CLDN18: variants seen among roughly 807,000 people sequenced by gnomAD.
CLDN18 encodes claudin 18.
A neutral mutation model predicts 25.0 loss-of-function variants in CLDN18; 20 were observed. That is an observed-to-expected ratio of 0.80 (90% CI 0.56 to 1.16). The LOEUF is 1.16. CLDN18 is among the 50% of genes most tolerant of loss of function. The pLI is 0.00. For synonymous variants in CLDN18, 125 were observed against 135.6 expected (o/e 0.92, Z 0.54); for missense variants, 297 against 345.4 (o/e 0.86, Z 1.11).
chr3:138,025,692 A>G (rs561358353), intron 3 of CLDN18, among the ~76,000 whole-genome samples: 1 of 152,306 alleles, frequency 6.6e-6, no homozygotes, highest in African/African-American at 2.4e-5. Context: ...TTACAGGTGC[A>G]ACTTAGAAGT....
intron 1 of CLDN18, among the ~76,000 whole-genome samples, chr3:138,019,066 C>G (rs1942242128): frequency 6.6e-6 from 1 of 152,318 alleles, no homozygotes; most frequent in East Asian, 1.9e-4. Context: ...CCAAGGGATA[C>G]GTTGTTTTTA....
Position 138,010,229 on chromosome 3 carries a change from T to A in CLDN18, c.4T>A (p.Ser2Thr). 6.2e-7 allele frequency: 1 copy of A among 1,612,960 alleles called. No individual in the cohort carries two copies. The highest frequency in any genetic ancestry group is 1.3e-5 in the African/African-American group (1 of 75,022). Reference sequence around the variant, plus strand: ...GGCAGGGCGGGCGGCCAGGATCATGTCCACCACCACATGCCAAGTGGTGGC... The same window carrying A: ...GGCAGGGCGGGCGGCCAGGATCATGACCACCACCACATGCCAAGTGGTGGC... M[S>T]TTTCQVVAFL... Residue 2 changes from serine (S) to threonine (T), a missense_variant, in exon 1 of 5, where the codon TCC becomes ACC. By Grantham distance (58) the Ser-to-Thr change is moderately conservative. Transcript: ENST00000183605.
chr3:138,029,406 T>C lies in CLDN18; in HGVS notation c.504-391T>C, dbSNP rs145658564. On this transcript the variant is annotated intron_variant, in intron 3 of 4. Transcript: ENST00000183605. ...GTTGAAACTTGGCCTCCCAAAGTGC[T>C]AGGATTACAGGCATGAACCACTGTA... Among the ~76,000 whole-genome samples, 153 of 152,330 alleles carry C rather than the reference T, an allele frequency of 1.0e-3. 1 individual carries two copies. The South Asian group carries it at 0.016, about 15-fold the overall frequency.
exon 1 of CLDN18, chr3:137,999,072 C>A: frequency 6.2e-7 from 1 of 1,614,136 alleles, no homozygotes; most frequent in Non-Finnish European, 8.5e-7. Context: ...GCTACTTCAC[C>A]CTGCTGGGGC....
chr3:138,014,831 T>C (rs1942185542), intron 1 of CLDN18, among the ~76,000 whole-genome samples: 1 of 152,090 alleles, frequency 6.6e-6, no homozygotes, highest in African/African-American at 2.4e-5. Context: ...ATGACTTAGA[T>C]AAGGAATGGG....
upstream of CLDN18, among the ~76,000 whole-genome samples, chr3:138,005,743 T>C (rs1942061970): frequency 6.6e-6 from 1 of 152,208 alleles, no homozygotes; most frequent in South Asian, 2.1e-4. Flanking sequence ...AATATGGTTG[T>C]GTATAAAAAA....
At chr3:138,001,252 T>C (rs1942012506) in intron 1 of CLDN18, among the ~76,000 whole-genome samples, 1 of 152,182 alleles carries the variant, frequency 6.6e-6, no homozygotes, top group African/African-American at 2.4e-5. Flanking sequence ...CTGACCCAAG[T>C]AGAAATTCCC....
chr3:138,027,693 G>A (rs1942342027), intron 3 of CLDN18, among the ~76,000 whole-genome samples: 1 of 152,162 alleles, frequency 6.6e-6, no homozygotes, highest in Non-Finnish European at 1.5e-5. Context: ...AGCAATTGTT[G>A]TTATCATCAT....
At chr3:138,013,769 T>C (rs992880615) in intron 1 of CLDN18, among the ~76,000 whole-genome samples, 3 of 152,160 alleles carry the variant, frequency 2.0e-5, no homozygotes, top group East Asian at 3.8e-4. Flanking sequence ...ACCAATGAGA[T>C]TGCAAAAGAA....
chr3:138,016,232 A>G (rs1942201516), intron 1 of CLDN18, among the ~76,000 whole-genome samples: 1 of 152,234 alleles, frequency 6.6e-6, no homozygotes, highest in Non-Finnish European at 1.5e-5. Context: ...TGGCAGAAAC[A>G]GGAAGTGAAC....
At chr3:138,018,662 G>A (rs954721320) in intron 1 of CLDN18, among the ~76,000 whole-genome samples, 2 of 152,206 alleles carry the variant, frequency 1.3e-5, no homozygotes, top group Non-Finnish European at 1.5e-5. Flanking sequence ...AGGCCTCAAC[G>A]TCATTCCTGA....
In CLDN18 at chr3:138,031,161, A is replaced by G; in HGVS notation, c.*20A>G. On this transcript the variant is annotated 3_prime_UTR_variant, in exon 5 of 5. Coordinates refer to ENST00000183605, the MANE Select transcript of CLDN18 (RefSeq NM_016369.4). ...GTGTAATGCTCTAAGACCTCTCAGC[A>G]CGGGCGGAAGAAACTCCCGGAGAGC... The G allele has an allele frequency of 1.3e-6, 2 of 1,575,366 alleles. No individual in the cohort carries two copies. The highest frequency in any genetic ancestry group is 1.7e-6 in the Non-Finnish European group (2 of 1,155,424).
At chr3:138,008,024 T>C (rs1225256355), upstream of CLDN18, among the ~76,000 whole-genome samples, 2 of 152,204 alleles carry the variant, frequency 1.3e-5, no homozygotes, top group Non-Finnish European at 2.9e-5. Context: ...AAGTAAGGTG[T>C]GCAGTGAAGG....
At chr3:138,006,014 GA>G (rs1559803344), upstream of CLDN18, among the ~76,000 whole-genome samples, 1 of 152,070 alleles carries the variant, frequency 6.6e-6, no homozygotes, top group Non-Finnish European at 1.5e-5. Flanking sequence ...ACAATTAAGT[GA>G]AAAGAGCAAA....
intron 4 of CLDN18, 22 bp from the exon 5 acceptor site, chr3:138,030,948 G>T (rs1207204163): frequency 1.2e-6 from 2 of 1,604,714 alleles, no homozygotes; most frequent in Non-Finnish European, 8.5e-7. Context: ...CTACAATCAT[G>T]GAATGTTTAT....
intron 1 of CLDN18, among the ~76,000 whole-genome samples, chr3:138,017,000 G>A (rs1576409649): frequency 6.6e-6 from 1 of 151,922 alleles, no homozygotes; most frequent in South Asian, 2.1e-4. Flanking sequence ...AGGTTGCAGT[G>A]AGCTGAGATC....
Position 138,032,555 on chromosome 3 carries a change from A to G in CLDN18, c.*1414A>G, listed in dbSNP as rs1942409712. The G allele has an allele frequency of 6.6e-6, 1 of 150,888 alleles. No individual in the cohort carries two copies. Among genetic ancestry groups the G allele is most frequent in the Admixed American group, 6.6e-5 (1 of 15,194 alleles). 9.3% of individuals were successfully genotyped at this position (150,888 alleles called of 1,614,324 possible). A position where few individuals can be genotyped will look rare whatever the true frequency, so the allele number is the denominator to read the frequency against. On this transcript the variant is annotated 3_prime_UTR_variant, in exon 5 of 5. Coordinates refer to ENST00000183605, the MANE Select transcript of CLDN18 (RefSeq NM_016369.4). ...CCAAGTGACAGGTATCCACATTTGCATGGTTACAAGCCACTGCCAGTTAGC... is the reference window on the plus strand; with the variant it reads ...CCAAGTGACAGGTATCCACATTTGCGTGGTTACAAGCCACTGCCAGTTAGC...
chr3:138,018,333 GC>G (rs1318231156), intron 1 of CLDN18, among the ~76,000 whole-genome samples: 11 of 147,280 alleles, frequency 7.5e-5, no homozygotes, highest in Non-Finnish European at 1.0e-4. Context: ...CTCCCTCAAG[GC>G]CTTTTTTTTT....
chr3:138,000,701 T>A (rs1181806069), intron 1 of CLDN18, among the ~76,000 whole-genome samples: 1 of 152,120 alleles, frequency 6.6e-6, no homozygotes, highest in Non-Finnish European at 1.5e-5. Context: ...GCCAGATGGG[T>A]GGGTAACTGG....
Sources: gnomAD v4.1 joint callset for allele counts (sites outside exome capture counted in the v4.1 genomes callset) on GRCh38, gnomAD v4.1.1 for gene constraint, MANE v1.5 for transcripts, NCBI Gene and HGNC (gene_info 2026-07-23, HGNC 2026-07-21) for gene names.